Variants in SH3RF3 observed in about 807,000 individuals in gnomAD.
SH3RF3 encodes E3 ubiquitin-protein ligase SH3RF3.
In SH3RF3, 29 loss-of-function variants were observed where a neutral mutation model predicts 66.3. The ratio of observed to expected loss-of-function variants is 0.44; its 90% CI spans 0.33 to 0.60. SH3RF3 has a LOEUF of 0.60. Ranked by LOEUF, SH3RF3 falls within the 20% of genes least tolerant of loss-of-function variation. The probability of loss-of-function intolerance (pLI) is 0.04; values close to 1 mark genes in which losing one functional copy is unlikely to be tolerated. For synonymous variants in SH3RF3, 583 were observed against 532.0 expected (o/e 1.10, Z -1.32); for missense variants, 1,194 against 1,190.9 (o/e 1.00, Z -0.04).
intron 1 of SH3RF3, among the ~76,000 whole-genome samples, chr2:109,336,018 C>T (rs1682412362): frequency 1.3e-5 from 2 of 152,210 alleles, no homozygotes; most frequent in African/African-American, 4.8e-5. Context: ...TGACTGGCAA[C>T]ATCTGGAACC....
intron 1 of SH3RF3, among the ~76,000 whole-genome samples, chr2:109,226,712 G>T (rs1679382532): frequency 6.6e-6 from 1 of 152,176 alleles, no homozygotes. Flanking sequence ...GTCTTTGCAG[G>T]ATCTCCACGC....
In SH3RF3 at chr2:109,490,898, T is replaced by C. The variant is rs1469976943; in HGVS notation, c.2442T>C (p.Ala814=). 3 of 1,523,974 alleles carry C rather than the reference T, an allele frequency of 2.0e-6. No individual in the cohort carries two copies. The highest frequency in any genetic ancestry group is 2.6e-6 in the Non-Finnish European group (3 of 1,138,008). The allele number at this position is 1,523,974 out of a possible 1,614,324, so 94.4% of individuals were successfully genotyped here. A position where few individuals can be genotyped will look rare whatever the true frequency, so the allele number is the denominator to read the frequency against. Residue 814 remains alanine (A), a synonymous_variant, in exon 9 of 10, where the codon GCT becomes GCC. Coordinates refer to ENST00000309415, the MANE Select transcript of SH3RF3 (RefSeq NM_001099289.3). ...CCCGGCAAGCTCCGCTGTCCATGGC[T>C]GCCATCCGCCCCGAGCCCAAGCTGT... ...SPSRQAPLSM[A]AIRPEPKLLP... is the part of the protein sequence containing the mutation.
intron 3 of SH3RF3, among the ~76,000 whole-genome samples, chr2:109,392,676 G>T (rs563783619): frequency 1.3e-5 from 2 of 152,122 alleles, no homozygotes; most frequent in South Asian, 4.2e-4. Flanking sequence ...CTGCCACCAC[G>T]CCCGGCTAAT....
At chr2:109,455,428 C>T (rs1016290733) in intron 8 of SH3RF3, among the ~76,000 whole-genome samples, 1 of 152,192 alleles carries the variant, frequency 6.6e-6, no homozygotes, top group African/African-American at 2.4e-5. Flanking sequence ...CAGAATGACC[C>T]ATAATGACAG....
intron 1 of SH3RF3, among the ~76,000 whole-genome samples, chr2:109,156,010 T>G (rs1677338412): frequency 6.6e-6 from 1 of 152,222 alleles, no homozygotes; most frequent in Admixed American, 6.5e-5. Flanking sequence ...CAGAGCCCCA[T>G]GCTTCCCACT....
At chr2:109,208,258 A>G (rs1389768876) in intron 1 of SH3RF3, among the ~76,000 whole-genome samples, 1 of 152,250 alleles carries the variant, frequency 6.6e-6, no homozygotes, top group Non-Finnish European at 1.5e-5. Context: ...ATATGGTTGC[A>G]GAATTGCAGA....
intron 1 of SH3RF3, among the ~76,000 whole-genome samples, chr2:109,278,029 A>T (rs1348546936): frequency 1.3e-5 from 2 of 151,032 alleles, no homozygotes; most frequent in Admixed American, 1.3e-4. Flanking sequence ...AAAAAAAAAA[A>T]AGCCAGGCAT....
At chr2:109,366,097 T>C (rs1683146548) in intron 2 of SH3RF3, among the ~76,000 whole-genome samples, 1 of 152,212 alleles carries the variant, frequency 6.6e-6, no homozygotes, top group Admixed American at 6.5e-5. Context: ...AATATAAAAG[T>C]GTTCCACCTC....
intron 1 of SH3RF3, among the ~76,000 whole-genome samples, chr2:109,255,100 G>T (rs987309535): frequency 1.3e-5 from 2 of 152,198 alleles, no homozygotes; most frequent in Non-Finnish European, 2.9e-5. Context: ...TGTCATGGTG[G>T]TGGGAGGTTA....
chr2:109,147,828 C>G (rs1234311714), intron 1 of SH3RF3, among the ~76,000 whole-genome samples: 2 of 152,164 alleles, frequency 1.3e-5, no homozygotes, highest in Non-Finnish European at 1.5e-5. Context: ...TTTAATAACT[C>G]CTGTAGATGA....
At chr2:109,497,605 C>T (rs144055370) in intron 9 of SH3RF3, among the ~76,000 whole-genome samples, 24 of 152,312 alleles carry the variant, frequency 1.6e-4, no homozygotes, top group African/African-American at 5.8e-4. Context: ...CAGCTGCTGA[C>T]ACGGACACGA....
intron 1 of SH3RF3, among the ~76,000 whole-genome samples, chr2:109,208,352 ACAG>A (rs1678890252): frequency 1.3e-5 from 2 of 152,370 alleles, no homozygotes; most frequent in East Asian, 3.9e-4. Flanking sequence ...CCAATCAAAT[ACAG>A]CAGAAGTTTC....
chr2:109,489,386 T>C (rs1379901831), intron 8 of SH3RF3, among the ~76,000 whole-genome samples: 1 of 152,198 alleles, frequency 6.6e-6, no homozygotes, highest in Non-Finnish European at 1.5e-5. Context: ...GGGACTTGGC[T>C]GGGGCCGGAG....
intron 8 of SH3RF3, among the ~76,000 whole-genome samples, chr2:109,476,265 G>A (rs1678680483): frequency 6.6e-6 from 1 of 152,210 alleles, no homozygotes; most frequent in African/African-American, 2.4e-5. Flanking sequence ...TCCAGACACA[G>A]TGGGGTTGTG....
At chr2:109,379,110 C>T (rs1271837913) in intron 3 of SH3RF3, among the ~76,000 whole-genome samples, 1 of 152,238 alleles carries the variant, frequency 6.6e-6, no homozygotes, top group Non-Finnish European at 1.5e-5. Flanking sequence ...GATTGCTGTC[C>T]TGTGCGTTCT....
Position 109,501,609 on chromosome 2 carries a change from G to T in SH3RF3, c.2587G>T (p.Gly863Trp). The T allele has an allele frequency of 1.3e-6, 1 of 779,246 alleles. No individual in the cohort carries two copies. The highest frequency in any genetic ancestry group is 2.4e-6 in the Non-Finnish European group (1 of 417,388). 48.3% of individuals were successfully genotyped at this position (779,246 alleles called of 1,614,324 possible). A position where few individuals can be genotyped will look rare whatever the true frequency, so the allele number is the denominator to read the frequency against. ...GAAGCGTGAGGACGGCTGGTACAAG[G>T]GGACCCTGCAGCGGAACGGCCGCAC... is the stretch of plus-strand genomic sequence containing the variant. The part of the protein sequence containing the change: ...HKKREDGWYK[G>W]TLQRNGRTGL... The change falls in exon 10 of 10, where the codon GGG (glycine) becomes TGG (tryptophan). Residue 863 changes from glycine (G) to tryptophan (W), a missense_variant. Gly to Trp is a radical substitution (Grantham distance 184). Transcript: ENST00000309415.
chr2:109,225,675 A>ATG, intron 1 of SH3RF3, among the ~76,000 whole-genome samples: 1 of 152,374 alleles, frequency 6.6e-6, no homozygotes, highest in South Asian at 2.1e-4. Flanking sequence ...GTTTCCTGTA[A>ATG]ATATCAGGAA....
At chr2:109,301,047 TA>T (rs1290287892) in intron 1 of SH3RF3, among the ~76,000 whole-genome samples, 1 of 152,248 alleles carries the variant, frequency 6.6e-6, no homozygotes, top group African/African-American at 2.4e-5. Context: ...GAGACTTCAA[TA>T]CAGTTGTGTA....
chr2:109,179,396 A>G (rs1383312188), intron 1 of SH3RF3, among the ~76,000 whole-genome samples: 2 of 152,134 alleles, frequency 1.3e-5, no homozygotes, highest in African/African-American at 4.8e-5. Context: ...ACTTGCCCAG[A>G]GTGGTGGCTC....
Sources: gnomAD v4.1 joint callset for allele counts (sites outside exome capture counted in the v4.1 genomes callset) on GRCh38, gnomAD v4.1.1 for gene constraint, MANE v1.5 for transcripts, NCBI Gene and HGNC (gene_info 2026-07-23, HGNC 2026-07-21) for gene names.